The following MBNL2 variants were observed in gnomAD, a reference collection of about 807,000 sequenced individuals.
MBNL2 encodes the protein muscleblind-like protein 2.
Under a neutral mutation model 41.9 loss-of-function variants are expected in MBNL2, and 17 were observed. The observed-to-expected ratio is 0.41, with a 90% CI of 0.28 to 0.61. The LOEUF is 0.61. Ranked by LOEUF, MBNL2 falls within the 20% of genes least tolerant of loss-of-function variation. The probability of loss-of-function intolerance (pLI) is 0.35; values close to 1 mark genes in which losing one functional copy is unlikely to be tolerated. For missense variants in MBNL2, 336 were observed against 505.6 expected (o/e 0.66, Z 3.22); for synonymous variants, 195 against 182.9 (o/e 1.07, Z -0.53).
chr13:97,281,647 ATTGT>A (rs1452274795), intron 2 of MBNL2, among the ~76,000 whole-genome samples: 5 of 152,220 alleles, frequency 3.3e-5, no homozygotes, highest in African/African-American at 1.2e-4. Context: ...CTTTGCAGAA[ATTGT>A]TTGAGTATTT....
At chr13:97,201,678 G>A in the MBNL2 span, among the ~76,000 whole-genome samples, 1 of 152,090 alleles carries the variant, frequency 6.6e-6, no homozygotes, top group African/African-American at 2.4e-5. Flanking sequence ...GGTTCTATAA[G>A]TTGAAAATTC....
intron 2 of MBNL2, among the ~76,000 whole-genome samples, chr13:97,276,867 T>C (rs2052259025): frequency 6.6e-6 from 1 of 151,956 alleles, no homozygotes; most frequent in African/African-American, 2.4e-5. Context: ...TTTCTGAAAA[T>C]GTGTCATGGC....
the MBNL2 span, among the ~76,000 whole-genome samples, chr13:97,169,726 C>T: frequency 6.6e-6 from 1 of 152,208 alleles, no homozygotes; most frequent in Non-Finnish European, 1.5e-5. Flanking sequence ...GCCTGCCCTT[C>T]CATTTATGAC....
At chr13:97,371,729 G>A (rs1241499213) in intron 8 of MBNL2, among the ~76,000 whole-genome samples, 1 of 152,186 alleles carries the variant, frequency 6.6e-6, no homozygotes, top group African/African-American at 2.4e-5. Flanking sequence ...CAGCTGGCAA[G>A]TGGCCTACTT....
At chr13:97,306,464 C>A (rs775290629) in intron 2 of MBNL2, among the ~76,000 whole-genome samples, 1 of 152,230 alleles carries the variant, frequency 6.6e-6, no homozygotes, top group Admixed American at 6.5e-5. Context: ...ATTTCTAGAG[C>A]CTTCCATTAC....
chr13:97,177,888 G>A, the MBNL2 span, among the ~76,000 whole-genome samples: 14,544 of 152,156 alleles, frequency 0.096, 764 homozygotes, highest in South Asian at 0.17. Context: ...TTCAAATTGT[G>A]GTAGAAAATG....
At chr13:97,183,274 A>C in the MBNL2 span, among the ~76,000 whole-genome samples, 8 of 152,216 alleles carry the variant, frequency 5.3e-5, no homozygotes, top group African/African-American at 1.7e-4. Context: ...TATAATAGTT[A>C]ATAGAAATCA....
chr13:97,266,333 G>A (rs2049799799), intron 1 of MBNL2, among the ~76,000 whole-genome samples: 1 of 152,230 alleles, frequency 6.6e-6, no homozygotes, highest in Non-Finnish European at 1.5e-5. Flanking sequence ...AATCTCTTTT[G>A]CTACCTGCCT....
At position 97,242,489 on chromosome 13, in the gene MBNL2, A is replaced by G. The variant is rs140165298; in HGVS notation, c.-605+19958A>G. Among the ~76,000 whole-genome samples, 1,113 of 152,288 alleles carry G rather than the reference A, an allele frequency of 7.3e-3. 12 individuals are homozygous for G. The highest frequency in any genetic ancestry group is 0.035 in the South Asian group (169 of 4,812). ...CAGCTAGACAGTAGAGGCATCAACA[A>G]TCCTGTTACCTGCCGTCTTCTACCC... is the stretch of plus-strand genomic sequence containing the variant. On this transcript the variant is annotated intron_variant, in intron 1 of 8. Transcript: ENST00000679496.
At position 97,276,187 on chromosome 13, in the gene MBNL2, T is replaced by C. The variant is rs373511683; in HGVS notation, c.-49T>C. ...AGTTTTGGAATCATTAGAACTTGGA[T>C]TGATTTCATCATTTAACAGAAACAA... On this transcript the variant is annotated 5_prime_UTR_variant, in exon 2 of 9. Coordinates refer to ENST00000679496, the MANE Select transcript of MBNL2 (RefSeq NM_001382683.1). The C allele has an allele frequency of 1.6e-4, 231 of 1,447,070 alleles. No individual in the cohort carries two copies. The highest frequency in any genetic ancestry group is 2.1e-4 in the Non-Finnish European group (218 of 1,035,108). 89.6% of individuals were successfully genotyped at this position (1,447,070 alleles called of 1,614,324 possible).
At chr13:97,293,450 A>G (rs778959193) in intron 2 of MBNL2, among the ~76,000 whole-genome samples, 48 of 152,214 alleles carry the variant, frequency 3.2e-4, no homozygotes, top group South Asian at 8.3e-4. Flanking sequence ...GCAGATGATG[A>G]TCAATGTTTG....
At chr13:97,171,334 A>C in the MBNL2 span, among the ~76,000 whole-genome samples, 207 of 152,064 alleles carry the variant, frequency 1.4e-3, 1 homozygote, top group South Asian at 0.012. Context: ...AAGCCACACC[A>C]TTTGTAAGTT....
intron 1 of MBNL2, among the ~76,000 whole-genome samples, chr13:97,230,206 G>A (rs569986269): frequency 1.2e-4 from 19 of 152,326 alleles, no homozygotes; most frequent in African/African-American, 4.6e-4. Context: ...GCTGAGTCAA[G>A]GTAATCCCTT....
intron 8 of MBNL2, among the ~76,000 whole-genome samples, chr13:97,387,559 C>G (rs961033783): frequency 1.3e-5 from 2 of 152,202 alleles, no homozygotes; most frequent in African/African-American, 2.4e-5. Flanking sequence ...TCTAAGCACC[C>G]TCTGAAGCAG....
chr13:97,146,666 C>T, the MBNL2 span, among the ~76,000 whole-genome samples: 2 of 152,158 alleles, frequency 1.3e-5, no homozygotes, highest in East Asian at 3.9e-4. Context: ...TCCAAAGCCA[C>T]ATTCTAGAAT....
intron 2 of MBNL2, among the ~76,000 whole-genome samples, chr13:97,277,874 T>C (rs1354810833): frequency 6.6e-6 from 1 of 152,176 alleles, no homozygotes; most frequent in East Asian, 1.9e-4. Flanking sequence ...CATGGTTATA[T>C]GTTAGTATTT....
intron 1 of MBNL2, among the ~76,000 whole-genome samples, chr13:97,226,181 G>C (rs1417453218): frequency 6.6e-6 from 1 of 152,196 alleles, no homozygotes; most frequent in Non-Finnish European, 1.5e-5. Context: ...ACCAGTCCCG[G>C]CCTCCTCTGC....
At chr13:97,220,337 TA>T (rs571910367), upstream of MBNL2, among the ~76,000 whole-genome samples, 30 of 152,242 alleles carry the variant, frequency 2.0e-4, no homozygotes, top group African/African-American at 7.2e-4. Context: ...AAGCGTCTGG[TA>T]CAATAAACAA....
At chr13:97,167,931 A>T in the MBNL2 span, among the ~76,000 whole-genome samples, 1 of 152,330 alleles carries the variant, frequency 6.6e-6, no homozygotes, top group South Asian at 2.1e-4. Context: ...CAAGAAAAGA[A>T]AAAAGACAAG....
Sources: gnomAD v4.1 joint callset for allele counts (sites outside exome capture counted in the v4.1 genomes callset) on GRCh38, gnomAD v4.1.1 for gene constraint, MANE v1.5 for transcripts, NCBI Gene and HGNC (gene_info 2026-07-23, HGNC 2026-07-21) for gene names.